ATP6V0D1: variants seen among roughly 807,000 people sequenced by gnomAD.
ATP6V0D1 encodes the protein V-type proton ATPase subunit d 1.
A neutral mutation model predicts 39.0 loss-of-function variants in ATP6V0D1; 13 were observed. That is an observed-to-expected ratio of 0.33 (90% CI 0.22 to 0.53). ATP6V0D1 has a LOEUF of 0.53. Among genes scored for constraint, ATP6V0D1 ranks in the 20% least tolerant of loss-of-function variants. ATP6V0D1 has a pLI of 0.94. For missense variants in ATP6V0D1, 272 were observed against 470.9 expected (o/e 0.58, Z 3.91); for synonymous variants, 191 against 191.2 (o/e 1.00, Z 0.01).
intron 1 of ATP6V0D1, among the ~76,000 whole-genome samples, chr16:67,479,112 A>G (rs1330263553): frequency 6.6e-6 from 1 of 152,146 alleles, no homozygotes; most frequent in Non-Finnish European, 1.5e-5. Context: ...CCAGCATCCT[A>G]AAGTGCTCTC....
chr16:67,441,673 G>A (rs2041053754), intron 4 of ATP6V0D1: 1 of 152,266 alleles, frequency 6.6e-6, no homozygotes, highest in Non-Finnish European at 1.5e-5. Context: ...AGCTGAGCCA[G>A]GTGTGATCCC....
Position 67,443,269 on chromosome 16 carries a change from C to T in ATP6V0D1, c.482-91G>A, listed in dbSNP as rs2041075290. On this transcript the variant is annotated intron_variant, in intron 3 of 7. Transcript: ENST00000290949. ...CCCTACACGGCACAGAGTGCCCGTG[C>T]CACAAGGCCCACAGGGCTGGGTATT... 7.6e-6 allele frequency: 10 copies of T among 1,309,758 alleles called. No homozygotes were observed. In the Admixed American group the frequency reaches 1.8e-4, roughly 23 times the overall value. The allele number at this position is 1,309,758 out of a possible 1,614,324, so 81.1% of individuals were successfully genotyped here.
intron 1 of ATP6V0D1, among the ~76,000 whole-genome samples, chr16:67,465,955 C>A (rs1051378254): frequency 6.6e-6 from 1 of 152,176 alleles, no homozygotes; most frequent in African/African-American, 2.4e-5. Flanking sequence ...CCTCCCCAGG[C>A]TCCTTGAGAA....
In ATP6V0D1 at chr16:67,438,487, ACACACACAAAGAG is replaced by A; in HGVS notation, c.*28_*40del. On this transcript the variant is annotated 3_prime_UTR_variant, in exon 8 of 8. Coordinates refer to ENST00000290949, the MANE Select transcript of ATP6V0D1 (RefSeq NM_004691.5). ...CACACACACGCGCACACACACACACACACACACAAAGAGTGCAATTGAGAGCCTTGGGCCAGGA... is the reference window on the plus strand; with the variant it reads ...CACACACACGCGCACACACACACACATGCAATTGAGAGCCTTGGGCCAGGA... 1 of 1,609,784 alleles carries A rather than the reference ACACACACAAAGAG, an allele frequency of 6.2e-7. No individual in the cohort carries two copies. The highest frequency in any genetic ancestry group is 8.5e-7 in the Non-Finnish European group (1 of 1,177,490).
intron 1 of ATP6V0D1, among the ~76,000 whole-genome samples, chr16:67,470,072 C>A (rs1315663255): frequency 2.0e-5 from 3 of 152,170 alleles, no homozygotes; most frequent in Admixed American, 6.5e-5. Context: ...TAAGAATAGA[C>A]CATGGTTTAC....
rs200216007 is a variant in ATP6V0D1 at position 67,438,569 on chromosome 16, G to A, written c.1015C>T (p.Arg339Cys). The change falls in exon 8 of 8, where the codon CGC (arginine) becomes TGC (cysteine). Residue 339 changes from arginine (R) to cysteine (C), a missense_variant. By Grantham distance (180) the Arg-to-Cys change is radical. Around this residue, in one of 4 missense-constraint regions of ATP6V0D1, gnomAD observed 35 missense variants for 84.6 expected, o/e 0.41. Coordinates refer to ENST00000290949, the MANE Select transcript of ATP6V0D1 (RefSeq NM_004691.5). ...TAGTTGTCGATTTTGGCGCGGTGGC[G>A]CTGGGCGATACATTCAGCGATCCAC... Reference protein sequence around the residue: ...IVWIAECIAQRHRAKIDNYIP... With the variant: ...IVWIAECIAQCHRAKIDNYIP... 4.3e-6 allele frequency: 7 copies of A among 1,613,932 alleles called. No homozygotes were observed. Among genetic ancestry groups the A allele is most frequent in the Non-Finnish European group, 5.1e-6 (6 of 1,179,972 alleles).
intron 1 of ATP6V0D1, among the ~76,000 whole-genome samples, chr16:67,458,410 G>A (rs1415881293): frequency 6.6e-6 from 1 of 152,204 alleles, no homozygotes; most frequent in African/African-American, 2.4e-5. Flanking sequence ...GCCAAGGACG[G>A]CAGGGGCTCT....
chr16:67,440,768 G>A (rs937772933), intron 4 of ATP6V0D1: 2 of 152,348 alleles, frequency 1.3e-5, no homozygotes, highest in African/African-American at 4.8e-5. Context: ...AGGCCTGAGA[G>A]TGACCTCTGG....
At chr16:67,454,363 C>T (rs1226694105) in intron 1 of ATP6V0D1, among the ~76,000 whole-genome samples, 1 of 152,114 alleles carries the variant, frequency 6.6e-6, no homozygotes, top group Non-Finnish European at 1.5e-5. Context: ...AAAGACTGAG[C>T]GTCCCTTCAG....
Position 67,444,640 on chromosome 16 carries a change from A to G in ATP6V0D1, c.369T>C (p.Ala123=). The change falls in exon 3 of 8, where the codon GCT becomes GCC. Residue 123 remains alanine, a synonymous_variant. Coordinates refer to ENST00000290949, the MANE Select transcript of ATP6V0D1 (RefSeq NM_004691.5). The surrounding 1 kb of genome is among the most constrained non-coding windows in gnomAD (Gnocchi z 4.8). ...GTGGGTGGCACTTGGGCACGAGCTC[A>G]GCGATGGAGCGCTGGTGCAGCGTGC... The part of the protein sequence containing the change: ...ITGTLHQRSI[A]ELVPKCHPLG... The G allele has an allele frequency of 6.2e-7, 1 of 1,613,146 alleles. No homozygotes were observed. Among genetic ancestry groups the G allele is most frequent in the Non-Finnish European group, 8.5e-7 (1 of 1,179,440 alleles).
At chr16:67,439,755 CT>C in intron 4 of ATP6V0D1, 1 of 247,088 alleles carries the variant, frequency 4.0e-6, no homozygotes, top group Non-Finnish European at 8.0e-6. Flanking sequence ...GACGCAGTGG[CT>C]CACGCCTGTA....
chr16:67,476,968 G>A (rs935797241), intron 1 of ATP6V0D1, among the ~76,000 whole-genome samples: 1 of 150,396 alleles, frequency 6.6e-6, no homozygotes, highest in East Asian at 1.9e-4. Flanking sequence ...GGGAGGCAGA[G>A]GTTGCAGTGA....
Position 67,439,025 on chromosome 16 carries a change from C to T in ATP6V0D1, c.762G>A (p.Gln254=). 6 of 1,614,198 alleles carry T rather than the reference C, an allele frequency of 3.7e-6. No homozygotes were observed. The highest frequency in any genetic ancestry group is 1.3e-5 in the African/African-American group (1 of 75,062). ...CGRLYPEGLA[Q]LARADDYEQV... Reference sequence around the variant, plus strand: ...GTTCATAGTCGTCAGCCCGAGCCAGCTGCGCCAGGCCCTCAGGGTAGAGCC... The same window carrying T: ...GTTCATAGTCGTCAGCCCGAGCCAGTTGCGCCAGGCCCTCAGGGTAGAGCC... Residue 254 remains glutamine (Q), a synonymous_variant, in exon 6 of 8, where the codon CAG becomes CAA. Coordinates refer to ENST00000290949, the MANE Select transcript of ATP6V0D1 (RefSeq NM_004691.5).
intron 1 of ATP6V0D1, among the ~76,000 whole-genome samples, chr16:67,475,895 T>C (rs1441187598): frequency 6.6e-6 from 1 of 152,206 alleles, no homozygotes; most frequent in Non-Finnish European, 1.5e-5. Context: ...ATGAAGACTC[T>C]AGGTCTGGGT....
At chr16:67,443,467 G>A (rs2041078273) in intron 3 of ATP6V0D1, 4 of 365,404 alleles carry the variant, frequency 1.1e-5, no homozygotes, top group Admixed American at 4.0e-5. Context: ...CTCAGACCAT[G>A]CCAAAGACAG....
chr16:67,450,552 G>A (rs1025018599), intron 2 of ATP6V0D1, among the ~76,000 whole-genome samples: 61 of 152,072 alleles, frequency 4.0e-4, no homozygotes, highest in African/African-American at 1.4e-3. Context: ...GCTGGGGGGT[G>A]GACACCGCAG....
intron 1 of ATP6V0D1, among the ~76,000 whole-genome samples, chr16:67,472,700 T>A (rs569276773): frequency 6.6e-6 from 1 of 152,270 alleles, no homozygotes; most frequent in South Asian, 2.1e-4. Context: ...ACCCCGTTTC[T>A]ACTAAACAAA....
In ATP6V0D1 at chr16:67,439,151, T is replaced by C; in HGVS notation, c.640-4A>G. 1 of 1,613,848 alleles carries C rather than the reference T, an allele frequency of 6.2e-7. No homozygotes were observed. Among genetic ancestry groups the C allele is most frequent in the Non-Finnish European group, 8.5e-7 (1 of 1,179,762 alleles). ...AGGCGCGGCGGTCTGCTTCAAACTG[T>C]GGAGCCAGTGCACAGGTAAGAAGAG... On this transcript the variant is annotated splice_region_variant and splice_polypyrimidine_tract_variant and intron_variant, in intron 5 of 7. Coordinates refer to ENST00000290949, the MANE Select transcript of ATP6V0D1 (RefSeq NM_004691.5).
intron 1 of ATP6V0D1, among the ~76,000 whole-genome samples, chr16:67,459,712 C>T (rs2041274013): frequency 6.6e-6 from 1 of 152,262 alleles, no homozygotes; most frequent in Admixed American, 6.5e-5. Flanking sequence ...TCAGCCTCTC[C>T]AGGGCTCCCA....
Sources: gnomAD v4.1 joint callset for allele counts (sites outside exome capture counted in the v4.1 genomes callset) on GRCh38, gnomAD v4.1.1 for gene constraint, gnomAD v4.1.1 regional missense constraint, Gnocchi (gnomAD v3.1) non-coding constraint, MANE v1.5 for transcripts, NCBI Gene and HGNC (gene_info 2026-07-23, HGNC 2026-07-21) for gene names.